The following ARHGAP40 variants were observed in gnomAD, a reference collection of about 807,000 sequenced individuals.
ARHGAP40 encodes the protein Rho GTPase activating protein 40, also known as rho GTPase-activating protein 40.
A neutral mutation model predicts 73.5 loss-of-function variants in ARHGAP40; 43 were observed. The observed-to-expected ratio is 0.58, with a 90% CI of 0.46 to 0.75. The LOEUF (loss-of-function observed/expected upper bound fraction) is 0.75. Ranked by LOEUF, ARHGAP40 falls within the 30% of genes least tolerant of loss-of-function variation. The pLI, the probability that ARHGAP40 is intolerant of heterozygous loss-of-function variation, is 0.00. For missense variants in ARHGAP40, 734 were observed against 861.8 expected (o/e 0.85, Z 1.86); for synonymous variants, 300 against 352.8 (o/e 0.85, Z 1.68).
intron 11 of ARHGAP40, 128 bp downstream of exon 11, chr20:38,644,038 C>G (rs192411648): frequency 1.2e-6 from 1 of 801,124 alleles, no homozygotes; most frequent in Non-Finnish European, 1.7e-6. Flanking sequence ...TTGGCCTCTG[C>G]ACAGGCCTGT....
chr20:38,624,067 T>C (rs568341823), intron 2 of ARHGAP40, among the ~76,000 whole-genome samples: 2 of 152,224 alleles, frequency 1.3e-5, no homozygotes, highest in Non-Finnish European at 2.9e-5. Context: ...TGACTATTAC[T>C]ATACCTCACT....
intron 1 of ARHGAP40, among the ~76,000 whole-genome samples, chr20:38,602,569 C>T (rs1480671447): frequency 6.6e-6 from 1 of 152,168 alleles, no homozygotes; most frequent in Non-Finnish European, 1.5e-5. Flanking sequence ...GTCATTTCCC[C>T]CACTCTGATT....
At position 38,646,061 on chromosome 20, in the gene ARHGAP40, G is replaced by T; in HGVS notation, c.1584G>T (p.Leu528=). Residue 528 remains leucine, a synonymous_variant, in exon 12 of 15, where the codon CTG becomes CTT. Coordinates refer to ENST00000373345, the Ensembl canonical transcript of ARHGAP40. This position sits in a 1 kb window ranked among gnomAD's most constrained non-coding sequence, Gnocchi z 4.5. ...TTTCTGGCCAGGTCGCCTCTTTCCT[G>T]GTCGCCCAGGTGCGAAAACTGAACG... 7.7e-7 allele frequency: 1 copy of T among 1,303,782 alleles called. No homozygotes were observed. The highest frequency in any genetic ancestry group is 1.0e-6 in the Non-Finnish European group (1 of 988,564). 80.8% of individuals were successfully genotyped at this position (1,303,782 alleles called of 1,614,324 possible). A position where few individuals can be genotyped will look rare whatever the true frequency, so the allele number is the denominator to read the frequency against.
chr20:38,646,186 C>G lies in ARHGAP40; in HGVS notation c.1709C>G (p.Ala570Gly). The stretch of plus-strand genomic sequence containing the variant: ...GACAAGGCGGGGGACGGCCTCGAGG[C>G]GGTGAGTGCCCCCGACCCCAGACAG... The change falls in exon 12 of 15, where the codon GCG (alanine) becomes GGG (glycine). Residue 570 changes from alanine (A) to glycine (G), a missense_variant and splice_region_variant. Transcript: ENST00000373345. This position sits in a 1 kb window ranked among gnomAD's most constrained non-coding sequence, Gnocchi z 4.5. 1 of 1,300,040 alleles carries G rather than the reference C, an allele frequency of 7.7e-7. No homozygotes were observed. The highest frequency in any genetic ancestry group is 1.0e-6 in the Non-Finnish European group (1 of 986,420). The allele number at this position is 1,300,040 out of a possible 1,614,324, so 80.5% of individuals were successfully genotyped here.
At chr20:38,632,938 CAT>C (rs1205824205) in intron 5 of ARHGAP40, among the ~76,000 whole-genome samples, 1 of 152,116 alleles carries the variant, frequency 6.6e-6, no homozygotes, top group Non-Finnish European at 1.5e-5. Flanking sequence ...GCTGGGCCAA[CAT>C]GGTGAAACCC....
intron 9 of ARHGAP40, among the ~76,000 whole-genome samples, 173 bp downstream of exon 9, chr20:38,639,559 C>T (rs1392221910): frequency 1.3e-5 from 2 of 152,250 alleles, no homozygotes; most frequent in Non-Finnish European, 2.9e-5. Context: ...CCAATGTGTG[C>T]ACATACACAT....
exon 6 of ARHGAP40, chr20:38,634,646 T>G (rs1199112833): frequency 7.7e-7 from 1 of 1,305,468 alleles, no homozygotes; most frequent in Non-Finnish European, 1.0e-6. Context: ...AAGGCAGACT[T>G]GGCGTGACGA....
intron 1 of ARHGAP40, among the ~76,000 whole-genome samples, chr20:38,611,041 C>T (rs564989471): frequency 6.6e-6 from 1 of 151,984 alleles, no homozygotes; most frequent in Non-Finnish European, 1.5e-5. Context: ...AGGCACCCAC[C>T]ACCACACCTG....
chr20:38,635,006 C>T (rs1257112101), intron 6 of ARHGAP40, among the ~76,000 whole-genome samples: 2 of 152,032 alleles, frequency 1.3e-5, no homozygotes, highest in African/African-American at 4.8e-5. Context: ...CTCAGCCACC[C>T]GAGTAGCTGA....
At chr20:38,632,068 A>T (rs2088942953) in intron 5 of ARHGAP40, among the ~76,000 whole-genome samples, 1 of 151,622 alleles carries the variant, frequency 6.6e-6, no homozygotes, top group African/African-American at 2.4e-5. Flanking sequence ...CGTTCAAGTG[A>T]TTGTTGTGCC....
At position 38,629,499 on chromosome 20, in the gene ARHGAP40, C is replaced by T. The variant is rs1290591078; in HGVS notation, c.635-3C>T. 2 of 1,305,370 alleles carry T rather than the reference C, an allele frequency of 1.5e-6. No individual in the cohort carries two copies. The highest frequency in any genetic ancestry group is 5.5e-5 in the East Asian group (1 of 18,024). The allele number at this position is 1,305,370 out of a possible 1,614,324, so 80.9% of individuals were successfully genotyped here. ...TCTCTGCTTTGTTTCCCCCGCCCCG[C>T]AGCAGCAGAGCCTGGGGGGCTGCAG... On this transcript the variant is annotated splice_region_variant and splice_polypyrimidine_tract_variant and intron_variant, in intron 4 of 14. Transcript: ENST00000373345.
At chr20:38,626,757 G>A (rs2088900487) in intron 2 of ARHGAP40, among the ~76,000 whole-genome samples, 1 of 152,138 alleles carries the variant, frequency 6.6e-6, no homozygotes, top group Non-Finnish European at 1.5e-5. Flanking sequence ...CTATGTTATG[G>A]GTTGACATCC....
At chr20:38,612,122 C>T (rs952006643) in intron 1 of ARHGAP40, among the ~76,000 whole-genome samples, 5 of 152,142 alleles carry the variant, frequency 3.3e-5, no homozygotes, top group Admixed American at 6.5e-5. Flanking sequence ...AATATTTTCA[C>T]ATGTAATCAA....
chr20:38,614,943 A>C, intron 1 of ARHGAP40: 1 of 1,316,022 alleles, frequency 7.6e-7, no homozygotes, highest in Non-Finnish European at 1.1e-6. Flanking sequence ...TACTCTCCGA[A>C]GGCTGGAGGT....
intron 7 of ARHGAP40, among the ~76,000 whole-genome samples, chr20:38,638,256 A>G (rs1244820043): frequency 6.6e-6 from 1 of 152,004 alleles, no homozygotes; most frequent in Non-Finnish European, 1.5e-5. Context: ...CGGAGCTTGC[A>G]GTGAGCCGAG....
Position 38,646,077 on chromosome 20 carries a change from A to T in ARHGAP40, c.1600A>T (p.Lys534Ter), listed in dbSNP as rs1336695969. 7.7e-7 allele frequency: 1 copy of T among 1,304,078 alleles called. No homozygotes were observed. Among genetic ancestry groups the T allele is most frequent in the East Asian group, 5.5e-5 (1 of 18,026 alleles). 80.8% of individuals were successfully genotyped at this position (1,304,078 alleles called of 1,614,324 possible). ...CTCTTTCCTGGTCGCCCAGGTGCGA[A>T]AACTGAACGACAGTAGCAGCAGGCG... is the stretch of plus-strand genomic sequence containing the variant. The change falls in exon 12 of 15, where the codon AAA becomes TAA. Residue 534 changes from lysine (K) to a stop codon, truncating the protein, a stop_gained. Coordinates refer to ENST00000373345, the Ensembl canonical transcript of ARHGAP40. LOFTEE classifies it high-confidence loss of function. This position sits in a 1 kb window ranked among gnomAD's most constrained non-coding sequence, Gnocchi z 4.5.
At chr20:38,611,718 C>G (rs2088806161) in intron 1 of ARHGAP40, among the ~76,000 whole-genome samples, 1 of 148,398 alleles carries the variant, frequency 6.7e-6, no homozygotes, top group African/African-American at 2.5e-5. Context: ...ACTACAGGCG[C>G]CCGCCACCAT....
intron 1 of ARHGAP40, among the ~76,000 whole-genome samples, chr20:38,614,424 A>G (rs10485648): frequency 0.12 from 18,869 of 152,028 alleles, 1,276 homozygotes; most frequent in South Asian, 0.25. Context: ...AGCACTGGTC[A>G]GCATCATTAG....
intron 1 of ARHGAP40, among the ~76,000 whole-genome samples, chr20:38,619,001 C>G (rs2088859360): frequency 6.6e-6 from 1 of 152,118 alleles, no homozygotes; most frequent in African/African-American, 2.4e-5. Flanking sequence ...ACTGGGGAGA[C>G]AGCAGGGAAT....
Sources: allele counts gnomAD v4.1 joint callset (sites outside exome capture counted in the v4.1 genomes callset), GRCh38; gene constraint gnomAD v4.1.1; non-coding constraint Gnocchi (gnomAD v3.1); transcripts MANE v1.5; gene names NCBI Gene and HGNC (gene_info 2026-07-23, HGNC 2026-07-21).